Variants in OR4K14 observed in about 807,000 individuals in gnomAD.
OR4K14 encodes olfactory receptor family 4 subfamily K member 14.
For synonymous variants in OR4K14, 153 were observed against 141.5 expected (o/e 1.08, Z -0.58); for missense variants, 406 against 373.6 (o/e 1.09, Z -0.72).
intron 1 of OR4K14, among the ~76,000 whole-genome samples, chr14:20,017,351 C>T (rs556866387): frequency 1.3e-5 from 2 of 152,060 alleles, no homozygotes; most frequent in South Asian, 4.1e-4. Context: ...CTTCATCTCA[C>T]TTTATTTGGT....
At chr14:20,016,171 C>T (rs1594159262) in intron 1 of OR4K14, among the ~76,000 whole-genome samples, 1 of 29,294 alleles carries the variant, frequency 3.4e-5, no homozygotes, top group African/African-American at 6.9e-5. Context: ...CTTCCTCTTC[C>T]TCTCTCTCCA....
At chr14:20,018,283 AT>A (rs1877139151) in intron 1 of OR4K14, among the ~76,000 whole-genome samples, 1 of 152,068 alleles carries the variant, frequency 6.6e-6, no homozygotes, top group Non-Finnish European at 1.5e-5. Flanking sequence ...GATAATGAAA[AT>A]TCAAAATTGC....
intron 1 of OR4K14, among the ~76,000 whole-genome samples, chr14:20,015,964 G>T (rs559259336): frequency 6.7e-6 from 1 of 149,754 alleles, no homozygotes; most frequent in South Asian, 2.1e-4. Flanking sequence ...AGTGCAGTAG[G>T]TGAACCAAAA....
intron 1 of OR4K14, among the ~76,000 whole-genome samples, chr14:20,015,620 A>G (rs1877081385): frequency 6.6e-6 from 1 of 152,162 alleles, no homozygotes; most frequent in Admixed American, 6.5e-5. Context: ...CATGTTGTAC[A>G]TTATAAACAT....
At position 20,015,289 on chromosome 14, in the gene OR4K14, G is replaced by A. The variant is rs957090539; in HGVS notation, c.-29-67C>T. On this transcript the variant is annotated intron_variant, in intron 1 of 1. Transcript: ENST00000641793. ...AAGGACATTGTATTAAGTGAAATAA[G>A]CCAGGCACAGAAAGACAAATATCAA... is the stretch of plus-strand genomic sequence containing the variant. 28 of 711,920 alleles carry A rather than the reference G, an allele frequency of 3.9e-5. No individual in the cohort carries two copies. The African/African-American group carries it at 4.7e-4, about 12-fold the overall frequency. The allele number at this position is 711,920 out of a possible 1,614,324, so 44.1% of individuals were successfully genotyped here.
Position 20,014,604 on chromosome 14 carries a change from C to G in OR4K14, c.590G>C (p.Gly197Ala), listed in dbSNP as rs750923909. 1 of 1,613,966 alleles carries G rather than the reference C, an allele frequency of 6.2e-7. No individual in the cohort carries two copies. The highest frequency in any genetic ancestry group is 1.1e-5 in the South Asian group (1 of 91,078). The change falls in exon 2 of 2, where the codon GGT (glycine) becomes GCT (alanine). Residue 197 changes from glycine to alanine, a missense_variant. Coordinates refer to ENST00000641793, the MANE Select transcript of OR4K14 (RefSeq NM_001004712.2). Reference protein sequence around the residue: ...KLACMDTYVLGIIMISDSGLL... With the variant: ...KLACMDTYVLAIIMISDSGLL... Reference sequence around the variant, plus strand: ...CCCACTGTCTGAGATCATAATTATACCCAAGACATAGGTGTCCATGCAGGC... The same window carrying G: ...CCCACTGTCTGAGATCATAATTATAGCCAAGACATAGGTGTCCATGCAGGC...
chr14:20,018,807 C>T (rs1307701802), intron 1 of OR4K14, among the ~76,000 whole-genome samples: 1 of 151,818 alleles, frequency 6.6e-6, no homozygotes, highest in Non-Finnish European at 1.5e-5. Flanking sequence ...AATTATACCT[C>T]AACAATGTTT....
chr14:20,017,041 G>A (rs1877114176), intron 1 of OR4K14, among the ~76,000 whole-genome samples: 1 of 151,900 alleles, frequency 6.6e-6, no homozygotes, highest in Non-Finnish European at 1.5e-5. Context: ...TTCCTATAGA[G>A]CCATAATGTT....
Position 20,014,831 on chromosome 14 carries a change from A to T in OR4K14, c.363T>A (p.Tyr121Ter). ...GTTTGCATATGGCCACATATCTGTC[A>T]TAGGCCATGGAAACCAGGAGCACCA... ...AEMVLLVSMA[Y>*]DRYVAICKPL... Residue 121 changes from tyrosine to a stop codon, truncating the protein, a stop_gained, in exon 2 of 2, where the codon TAT becomes TAA. Coordinates refer to ENST00000641793, the MANE Select transcript of OR4K14 (RefSeq NM_001004712.2). LOFTEE classifies it low-confidence loss of function (END_TRUNC). 2 of 1,614,106 alleles carry T rather than the reference A, an allele frequency of 1.2e-6. No homozygotes were observed. The highest frequency in any genetic ancestry group is 2.2e-5 in the South Asian group (2 of 91,080).
At chr14:20,017,627 T>C (rs1020514341) in intron 1 of OR4K14, among the ~76,000 whole-genome samples, 2 of 151,924 alleles carry the variant, frequency 1.3e-5, no homozygotes, top group African/African-American at 4.8e-5. Flanking sequence ...CTGAGCAAAA[T>C]AAACTGATGG....
rs2138660297 is a variant in OR4K14 at position 20,014,713 on chromosome 14, C to A, written c.481G>T (p.Val161Leu). Reference protein sequence around the residue: ...VVGFVHSISQVAFTVNLPYCG... With the variant: ...VVGFVHSISQLAFTVNLPYCG... ...TAAGGCAAATTTACAGTGAAAGCCA[C>A]TTGACTGATGGAGTGCACAAATCCA... is the stretch of plus-strand genomic sequence containing the variant. The change falls in exon 2 of 2, where the codon GTG becomes TTG. Residue 161 changes from valine (V) to leucine (L), a missense_variant. Transcript: ENST00000641793. 6.8e-6 allele frequency: 11 copies of A among 1,614,084 alleles called. No individual in the cohort carries two copies. Among genetic ancestry groups the A allele is most frequent in the Admixed American group, 3.3e-5 (2 of 60,016 alleles).
In OR4K14 at chr14:20,014,429, G is replaced by T. The variant is rs746189195; in HGVS notation, c.765C>A (p.Cys255Ter). The T allele has an allele frequency of 7.4e-6, 12 of 1,614,124 alleles. No homozygotes were observed. Among genetic ancestry groups the T allele is most frequent in the Non-Finnish European group, 1.0e-5 (12 of 1,180,018 alleles). ...IMVVTLFFGPCIFVYVRPFSR... is the reference protein window; with the variant it reads ...IMVVTLFFGP ...TGAAAGGCCGCACATAAACAAAAATGCAAGGGCCAAAGAACAGCGTCACTA... is the reference window on the plus strand; with the variant it reads ...TGAAAGGCCGCACATAAACAAAAATTCAAGGGCCAAAGAACAGCGTCACTA... Residue 255 changes from cysteine (C) to a stop codon, truncating the protein, a stop_gained, in exon 2 of 2, where the codon TGC becomes TGA. Coordinates refer to ENST00000641793, the MANE Select transcript of OR4K14 (RefSeq NM_001004712.2). LOFTEE classifies it low-confidence loss of function (END_TRUNC).
chr14:20,018,569 G>A (rs766554520), intron 1 of OR4K14, among the ~76,000 whole-genome samples: 1 of 151,890 alleles, frequency 6.6e-6, no homozygotes, highest in Non-Finnish European at 1.5e-5. Context: ...AATTTCGCTT[G>A]TAAATCTAAA....
At chr14:20,017,534 T>TATAG (rs3079163) in intron 1 of OR4K14, among the ~76,000 whole-genome samples, 110,132 of 151,456 alleles carry the variant, frequency 0.73, 42,837 homozygotes, top group East Asian at 0.97. Context: ...TTAGATCATT[T>TATAG]ATAGATTTAT....
At chr14:20,018,564 C>T (rs141145620) in intron 1 of OR4K14, among the ~76,000 whole-genome samples, 34 of 151,992 alleles carry the variant, frequency 2.2e-4, no homozygotes, top group African/African-American at 6.5e-4. Flanking sequence ...TGAAAAATTT[C>T]GCTTGTAAAT....
chr14:20,017,661 G>A (rs967641900), intron 1 of OR4K14, among the ~76,000 whole-genome samples: 1 of 151,982 alleles, frequency 6.6e-6, no homozygotes, highest in African/African-American at 2.4e-5. Flanking sequence ...ATGGTTACTA[G>A]ACAATGGGAA....
rs919715638 is a variant in OR4K14 at position 20,018,228 on chromosome 14, T to C, written c.-30+915A>G. ...AGGGATTAATAATTACCATATCTTC[T>C]TTAGTCCACCCAAATAGCACCCATC... is the stretch of plus-strand genomic sequence containing the variant. On this transcript the variant is annotated intron_variant, in intron 1 of 1. Coordinates refer to ENST00000641793, the MANE Select transcript of OR4K14 (RefSeq NM_001004712.2). 3.9e-5 allele frequency among the ~76,000 whole-genome samples: 6 copies of C among 152,182 alleles called. No homozygotes were observed. In the East Asian group the frequency reaches 1.2e-3, roughly 29 times the overall value.
At chr14:20,018,566 C>T (rs1414358273) in intron 1 of OR4K14, among the ~76,000 whole-genome samples, 1 of 151,842 alleles carries the variant, frequency 6.6e-6, no homozygotes, top group Non-Finnish European at 1.5e-5. Flanking sequence ...AAAAATTTCG[C>T]TTGTAAATCT....
Position 20,014,981 on chromosome 14 carries a change from G to C in OR4K14, c.213C>G (p.Asp71Glu), listed in dbSNP as rs1393183756. 5.6e-6 allele frequency: 9 copies of C among 1,613,906 alleles called. No individual in the cohort carries two copies. The highest frequency in any genetic ancestry group is 7.6e-6 in the Non-Finnish European group (9 of 1,179,948). The change falls in exon 2 of 2, where the codon GAC becomes GAG. Residue 71 changes from aspartate to glutamate, a missense_variant. Physicochemically the swap from Asp to Glu is conservative, Grantham distance 45. Coordinates refer to ENST00000641793, the MANE Select transcript of OR4K14 (RefSeq NM_001004712.2). Reference sequence around the variant, plus strand: ...GAGTGGCAAATGAGGCCAGCCACATGTCCAGGAAAGCTAGGTTCCCCAGCA... The same window carrying C: ...GAGTGGCAAATGAGGCCAGCCACATCTCCAGGAAAGCTAGGTTCCCCAGCA... ...YFLLGNLAFL[D>E]MWLASFATPK...
Sources: allele counts gnomAD v4.1 joint callset (sites outside exome capture counted in the v4.1 genomes callset), GRCh38; gene constraint gnomAD v4.1.1; transcripts MANE v1.5; gene names NCBI Gene and HGNC (gene_info 2026-07-23, HGNC 2026-07-21).